The following ANKRD35 variants were observed in gnomAD, a reference collection of about 807,000 sequenced individuals.
ANKRD35 encodes ankyrin repeat domain 35.
In ANKRD35, 102 loss-of-function variants were observed where a neutral mutation model predicts 109.9. The observed-to-expected ratio is 0.93, with a 90% CI of 0.79 to 1.09. The LOEUF (loss-of-function observed/expected upper bound fraction) is 1.09, where lower values mean the gene tolerates loss of function less well. Among genes scored for constraint, ANKRD35 ranks in the 50% least tolerant of loss-of-function variants. The pLI, the probability that ANKRD35 is intolerant of heterozygous loss-of-function variation, is 0.00. For synonymous variants in ANKRD35, 515 were observed against 512.4 expected (o/e 1.01, Z -0.07); for missense variants, 1,240 against 1,230.1 (o/e 1.01, Z -0.12).
chr1:145,876,957 T>C, intron 4 of ANKRD35, 84 bp from the exon 5 acceptor site: 2 of 1,449,892 alleles, frequency 1.4e-6, no homozygotes, highest in South Asian at 1.2e-5. Context: ...CCAATTTCCA[T>C]GGTAATATGA....
Position 145,876,195 on chromosome 1 carries a change from A to G in ANKRD35, c.505T>C (p.Cys169Arg), listed in dbSNP as rs1654064382. The G allele has an allele frequency of 1.2e-6, 2 of 1,613,960 alleles. No homozygotes were observed. The highest frequency in any genetic ancestry group is 2.7e-5 in the African/African-American group (2 of 74,912). Residue 169 changes from cysteine (C) to arginine (R), a missense_variant, in exon 7 of 14, where the codon TGC (cysteine) becomes CGC (arginine). Transcript: ENST00000355594. ...IASLGGHAAICSQLLQRGARV... is the reference protein window; with the variant it reads ...IASLGGHAAIRSQLLQRGARV... ...GCGCCTCGCTGCAGCAGCTGTGAGCAGATAGCTGCGTGCCCACCCAGCGAT... is the reference window on the plus strand; with the variant it reads ...GCGCCTCGCTGCAGCAGCTGTGAGCGGATAGCTGCGTGCCCACCCAGCGAT...
At position 145,874,274 on chromosome 1, in the gene ANKRD35, T is replaced by C. The variant is rs375835592; in HGVS notation, c.746-82A>G. 13 of 1,492,892 alleles carry C rather than the reference T, an allele frequency of 8.7e-6. No homozygotes were observed. The African/African-American group carries it at 1.7e-4, about 19-fold the overall frequency. 92.5% of individuals were successfully genotyped at this position (1,492,892 alleles called of 1,614,324 possible). ...CCCACATTCTTATCTTCAGACTTTTTCTGAGAGGAGTGGCCTCTCTGTGAT... is the reference window on the plus strand; with the variant it reads ...CCCACATTCTTATCTTCAGACTTTTCCTGAGAGGAGTGGCCTCTCTGTGAT... On this transcript the variant is annotated intron_variant, in intron 8 of 13. Transcript: ENST00000355594.
intron 1 of ANKRD35, among the ~76,000 whole-genome samples, chr1:145,881,156 C>T (rs587738626): frequency 2.5e-4 from 38 of 152,102 alleles, no homozygotes; most frequent in African/African-American, 8.2e-4. Context: ...GGGTGGTGGC[C>T]GGTGCCTGTA....
At chr1:145,869,799 G>T (rs1381119936) in intron 10 of ANKRD35, among the ~76,000 whole-genome samples, 1 of 152,090 alleles carries the variant, frequency 6.6e-6, no homozygotes, top group Non-Finnish European at 1.5e-5. Flanking sequence ...ACGTTTTGTA[G>T]ATAAAGAGAC....
intron 8 of ANKRD35, among the ~76,000 whole-genome samples, chr1:145,874,620 G>C (rs1167059851): frequency 1.3e-5 from 2 of 152,192 alleles, no homozygotes; most frequent in African/African-American, 4.8e-5. Flanking sequence ...CTCAGTGAGA[G>C]ACCAGGCTGC....
chr1:145,876,856 A>G lies in ANKRD35; in HGVS notation c.342T>C (p.Asp114=). The G allele has an allele frequency of 6.2e-7, 1 of 1,614,002 alleles. No individual in the cohort carries two copies. Residue 114 remains aspartate (D), a synonymous_variant, in exon 5 of 14, where the codon GAT becomes GAC. Transcript: ENST00000355594. ...KVLLQHGANE[D]AVDAENRSPL... ...GACTACGGTTTTCTGCATCCACAGC[A>G]TCTTCATTAGCACCATGCTGCAAAT...
chr1:145,876,030 C>G, intron 7 of ANKRD35, 110 bp downstream of exon 7: 1 of 966,944 alleles, frequency 1.0e-6, no homozygotes, highest in Non-Finnish European at 1.5e-6. Flanking sequence ...AAAGACCAAC[C>G]TGACTTCTTC....
At chr1:145,883,477 C>T (rs1440393226) in intron 1 of ANKRD35, among the ~76,000 whole-genome samples, 1 of 152,212 alleles carries the variant, frequency 6.6e-6, no homozygotes, top group Non-Finnish European at 1.5e-5. Context: ...TCAAGGATAT[C>T]CTCTACTTGA....
In ANKRD35 at chr1:145,873,336, G is replaced by GTGCC. The variant is rs782289874; in HGVS notation, c.1429_1432dup (p.Thr478ArgfsTer5). The GTGCC allele has an allele frequency of 6.2e-7, 1 of 1,614,212 alleles. No individual in the cohort carries two copies. The highest frequency in any genetic ancestry group is 1.1e-5 in the South Asian group (1 of 91,090). On this transcript the variant is annotated frameshift_variant, in exon 10 of 14. Transcript: ENST00000355594. LOFTEE classifies it high-confidence loss of function. ...TGCTGGGCCCACTGGTTCAGCCACT[G>GTGCC]TGCCTCCTGGTTCAACTCCTAGAAC...
At position 145,872,960 on chromosome 1, in the gene ANKRD35, C is replaced by T; in HGVS notation, c.1809G>A (p.Lys603=). ...GEPLGALGGE[K]ALGGLAKGQL... ...GTCCCTTTGCCAGGCCTCCTAGGGC[C>T]TTTTCCCCTCCAAGGGCCCCTAGAG... The change falls in exon 10 of 14, where the codon AAG becomes AAA. Residue 603 remains lysine (K), a synonymous_variant. Coordinates refer to ENST00000355594, the MANE Select transcript of ANKRD35 (RefSeq NM_144698.5). The T allele has an allele frequency of 6.2e-7, 1 of 1,610,280 alleles. No homozygotes were observed. The highest frequency in any genetic ancestry group is 8.5e-7 in the Non-Finnish European group (1 of 1,177,954).
chr1:145,876,152 T>C lies in ANKRD35; in HGVS notation c.548A>G (p.Asp183Gly), dbSNP rs782719003. The C allele has an allele frequency of 2.5e-6, 4 of 1,613,908 alleles. No homozygotes were observed. The Admixed American group carries it at 5.0e-5, about 20-fold the overall frequency. Residue 183 changes from aspartate to glycine, a missense_variant, in exon 7 of 14, where the codon GAC becomes GGC. By Grantham distance (94) the Asp-to-Gly change is moderately conservative. Coordinates refer to ENST00000355594, the MANE Select transcript of ANKRD35 (RefSeq NM_144698.5). ...LQRGARVNVT[D>G]KNDKSALILA... ...GAGGGGGGCTCACTTGTCATTCTTG[T>C]CTGTAACATTAACTCGGGCGCCTCG...
chr1:145,872,294 C>A lies in ANKRD35; in HGVS notation c.2475G>T (p.Arg825Ser), dbSNP rs1295069609. The A allele has an allele frequency of 2.5e-6, 4 of 1,612,442 alleles. No homozygotes were observed. The African/African-American group carries it at 5.3e-5, about 22-fold the overall frequency. ...GCCGTAGGCTGGCTGCCTCCCGGGC[C>A]CTTAGCTCAGCCACTTCCTCTGTGG... ...YQATEEVAEL[R>S]AREAASLRQH... The change falls in exon 10 of 14, where the codon AGG (arginine) becomes AGT (serine). Residue 825 changes from arginine to serine, a missense_variant. Arg to Ser is a moderately radical substitution (Grantham distance 110, BLOSUM62 -1). Coordinates refer to ENST00000355594, the MANE Select transcript of ANKRD35 (RefSeq NM_144698.5).
intron 1 of ANKRD35, among the ~76,000 whole-genome samples, chr1:145,882,805 C>T (rs145191968): frequency 6.6e-6 from 1 of 152,310 alleles, no homozygotes; most frequent in African/African-American, 2.4e-5. Flanking sequence ...AGATTACCAT[C>T]ACAGCCTCAA....
Position 145,873,088 on chromosome 1 carries a change from C to A in ANKRD35, c.1681G>T (p.Val561Phe), listed in dbSNP as rs375160795. ...CCCTCTCTGGACTCCTGGGAAGGAACCTCAGGTTTCACCTGTAGTCCTGCC... is the reference window on the plus strand; with the variant it reads ...CCCTCTCTGGACTCCTGGGAAGGAAACTCAGGTTTCACCTGTAGTCCTGCC... Reference protein sequence around the residue: ...AKAGLQVKPEVPSQESREGAL... With the variant: ...AKAGLQVKPEFPSQESREGAL... Residue 561 changes from valine to phenylalanine, a missense_variant, in exon 10 of 14, where the codon GTT becomes TTT. Transcript: ENST00000355594. The A allele has an allele frequency of 9.9e-6, 16 of 1,613,100 alleles. No individual in the cohort carries two copies. The highest frequency in any genetic ancestry group is 1.6e-4 in the Middle Eastern group (1 of 6,080).
In ANKRD35 at chr1:145,885,751, C is replaced by T. The variant is rs781916167; in HGVS notation, c.8G>A (p.Arg3His). 2 of 1,614,070 alleles carry T rather than the reference C, an allele frequency of 1.2e-6. No homozygotes were observed. Among genetic ancestry groups the T allele is most frequent in the African/African-American group, 1.3e-5 (1 of 75,048 alleles). The change falls in exon 1 of 14, where the codon CGT (arginine) becomes CAT (histidine). Residue 3 changes from arginine to histidine, a missense_variant. Physicochemically the swap from Arg to His is conservative, Grantham distance 29. Transcript: ENST00000355594. MK[R>H]IFSCSSTQVA... The stretch of plus-strand genomic sequence containing the variant: ...CTGTGTGCTGGAGCAGGAGAAGATA[C>T]GCTTCATGGCCGGGGTCGGGGCCAC...
rs782384376 is a variant in ANKRD35 at position 145,878,050 on chromosome 1, G to C, written c.260-18C>G. On this transcript the variant is annotated intron_variant, in intron 3 of 13. Coordinates refer to ENST00000355594, the MANE Select transcript of ANKRD35 (RefSeq NM_144698.5). ...AGTGCTTCCTGGAACAGAAAGAAGG[G>C]GAGAAGGAGGGTAGGTGGCCCCATG... The C allele has an allele frequency of 1.2e-6, 2 of 1,611,946 alleles. No homozygotes were observed. Among genetic ancestry groups the C allele is most frequent in the Non-Finnish European group, 1.7e-6 (2 of 1,178,188 alleles).
chr1:145,872,857 G>T lies in ANKRD35; in HGVS notation c.1912C>A (p.Arg638=), dbSNP rs1553739131. The T allele has an allele frequency of 4.3e-6, 7 of 1,613,952 alleles. No individual in the cohort carries two copies. Among genetic ancestry groups the T allele is most frequent in the Non-Finnish European group, 5.9e-6 (7 of 1,180,028 alleles). Residue 638 remains arginine, a synonymous_variant, in exon 10 of 14, where the codon CGG becomes AGG. Coordinates refer to ENST00000355594, the MANE Select transcript of ANKRD35 (RefSeq NM_144698.5). The part of the protein sequence containing the change: ...LEELGELGRE[R]QRLQRELQSL... ...TGTAGCTCCCTCTGCAACCTCTGCC[G>T]CTCCCGCCCCAACTCCCCTAACTCC...
chr1:145,873,864 T>C lies in ANKRD35; in HGVS notation c.905A>G (p.Tyr302Cys). The change falls in exon 10 of 14, where the codon TAT (tyrosine) becomes TGT (cysteine). Residue 302 changes from tyrosine (Y) to cysteine (C), a missense_variant. Transcript: ENST00000355594. ...DPCSEEWRWK[Y>C]EEERRKVVRL... is the part of the protein sequence containing the mutation. Reference sequence around the variant, plus strand: ...AACAACTTTCCTCCGCTCCTCTTCATACTTCCACCTCCACTCCTCCGAGCA... The same window carrying C: ...AACAACTTTCCTCCGCTCCTCTTCACACTTCCACCTCCACTCCTCCGAGCA... 1 of 1,613,866 alleles carries C rather than the reference T, an allele frequency of 6.2e-7. No homozygotes were observed.
intron 11 of ANKRD35, 82 bp downstream of exon 11, chr1:145,868,229 A>G: frequency 6.6e-7 from 1 of 1,524,336 alleles, no homozygotes; most frequent in Middle Eastern, 1.8e-4. Flanking sequence ...TCCCTCAGTA[A>G]TTCCTAGAAT....
Sources: allele counts gnomAD v4.1 joint callset (sites outside exome capture counted in the v4.1 genomes callset), GRCh38; gene constraint gnomAD v4.1.1; transcripts MANE v1.5; gene names NCBI Gene and HGNC (gene_info 2026-07-23, HGNC 2026-07-21).